CADPS: variants seen among roughly 807,000 people sequenced by gnomAD.
CADPS encodes calcium-dependent secretion activator 1.
CADPS carries 57 observed loss-of-function variants against 167.3 expected under a neutral mutation model. The observed-to-expected ratio is 0.34, with a 90% CI of 0.28 to 0.42. CADPS has a LOEUF of 0.42. Among genes scored for constraint, CADPS ranks in the 20% least tolerant of loss-of-function variants. CADPS has a pLI of 1.00. For synonymous variants in CADPS, 676 were observed against 635.3 expected, an observed-to-expected ratio of 1.06 and a Z score of -0.96; for missense variants, 1,414 against 1,738.1, an observed-to-expected ratio of 0.81 and a Z score of 3.32.
intron 1 of CADPS, among the ~76,000 whole-genome samples, chr3:62,843,362 G>A (rs1310189512): frequency 6.6e-6 from 1 of 152,090 alleles, no homozygotes; most frequent in Non-Finnish European, 1.5e-5. Flanking sequence ...TTGAAGATTC[G>A]AGGCTATGAA....
intron 24 of CADPS, chr3:62,466,651 A>C (rs1034092051): frequency 1.8e-6 from 1 of 542,686 alleles, no homozygotes; most frequent in African/African-American, 1.9e-5. Flanking sequence ...GATGCTTCTA[A>C]TGTGTGTAGA....
intron 2 of CADPS, among the ~76,000 whole-genome samples, chr3:62,754,672 T>C (rs1404588226): frequency 6.6e-6 from 1 of 152,184 alleles, no homozygotes; most frequent in Non-Finnish European, 1.5e-5. Context: ...AAACTTTTTG[T>C]AGAGACAGGG....
chr3:62,861,077 A>G (rs889751644), intron 1 of CADPS, among the ~76,000 whole-genome samples: 19 of 152,086 alleles, frequency 1.2e-4, no homozygotes, highest in African/African-American at 4.6e-4. Context: ...CTTGACATAA[A>G]CCTGGGTTTA....
chr3:62,695,773 T>C (rs1040230305), intron 3 of CADPS, among the ~76,000 whole-genome samples: 2 of 152,028 alleles, frequency 1.3e-5, no homozygotes, highest in African/African-American at 4.8e-5. Flanking sequence ...TGGGCTCCAA[T>C]GATCCTGCCT....
chr3:62,794,466 A>G (rs1183090554), intron 1 of CADPS, among the ~76,000 whole-genome samples: 1 of 152,192 alleles, frequency 6.6e-6, no homozygotes, highest in Non-Finnish European at 1.5e-5. Flanking sequence ...ACTTGCAGAA[A>G]AACAACAGAG....
intron 28 of CADPS, among the ~76,000 whole-genome samples, chr3:62,437,600 A>T (rs1389856832): frequency 6.6e-6 from 1 of 151,900 alleles, no homozygotes; most frequent in Non-Finnish European, 1.5e-5. Context: ...GTTTGCCAAA[A>T]CCCAGGGTAA....
intron 1 of CADPS, among the ~76,000 whole-genome samples, chr3:62,862,819 T>A (rs1361440060): frequency 1.3e-5 from 2 of 152,206 alleles, no homozygotes; most frequent in African/African-American, 4.8e-5. Context: ...AGTCTGACAG[T>A]GCAATGGGAG....
At position 62,465,274 on chromosome 3, in the gene CADPS, A is replaced by C; in HGVS notation, c.3636+93T>G. On this transcript the variant is annotated intron_variant, in intron 26 of 29. Coordinates refer to ENST00000383710, the MANE Select transcript of CADPS (RefSeq NM_003716.4). The surrounding 1 kb of genome is among the most constrained non-coding windows in gnomAD (Gnocchi z 4.1). ...TTGACTATAATTAACACACACACCC[A>C]TCCCAAAACAAAATGACACAACATA... is the stretch of plus-strand genomic sequence containing the variant. 1.2e-6 allele frequency: 1 copy of C among 825,414 alleles called. No individual in the cohort carries two copies. The highest frequency in any genetic ancestry group is 1.7e-5 in the South Asian group (1 of 57,726). 51.1% of individuals were successfully genotyped at this position (825,414 alleles called of 1,614,324 possible).
At chr3:62,721,126 T>A (rs2075723449) in intron 3 of CADPS, among the ~76,000 whole-genome samples, 1 of 128,954 alleles carries the variant, frequency 7.8e-6, no homozygotes. Context: ...AGGTTTTTTT[T>A]TTTTTTTTAA....
At chr3:62,418,487 A>ATTTTTTTTTTTTTTTT (rs5849477) in intron 28 of CADPS, among the ~76,000 whole-genome samples, 3 of 88,872 alleles carry the variant, frequency 3.4e-5, no homozygotes, top group East Asian at 3.3e-4. Context: ...ACCATGCCCT[A>ATTTTTTTTTTTTTTTT]TTTTTTTTTT....
At chr3:62,418,481 T>C (rs2050634680) in intron 28 of CADPS, among the ~76,000 whole-genome samples, 1 of 145,896 alleles carries the variant, frequency 6.9e-6, no homozygotes, top group South Asian at 2.2e-4. Flanking sequence ...TGCAACACCA[T>C]GCCCTATTTT....
chr3:62,740,780 G>T (rs1482682444), intron 3 of CADPS, among the ~76,000 whole-genome samples: 2 of 151,938 alleles, frequency 1.3e-5, no homozygotes, highest in Non-Finnish European at 2.9e-5. Context: ...CATGTGATGG[G>T]CTCCTTACAT....
At chr3:62,819,867 C>T (rs1000160559) in intron 1 of CADPS, among the ~76,000 whole-genome samples, 3 of 152,254 alleles carry the variant, frequency 2.0e-5, no homozygotes, top group African/African-American at 7.2e-5. Context: ...CCTGGTCTCC[C>T]ATGAACTCTG....
intron 3 of CADPS, among the ~76,000 whole-genome samples, chr3:62,712,477 A>T (rs183467017): frequency 6.6e-6 from 1 of 152,212 alleles, no homozygotes; most frequent in African/African-American, 2.4e-5. Context: ...TGCTTGTTGC[A>T]TGTTTGTACT....
At position 62,753,346 on chromosome 3, in the gene CADPS, A is replaced by T; in HGVS notation, c.888+95T>A. The T allele has an allele frequency of 1.1e-6, 1 of 912,122 alleles. No homozygotes were observed. Among genetic ancestry groups the T allele is most frequent in the Non-Finnish European group, 1.7e-6 (1 of 597,262 alleles). 56.5% of individuals were successfully genotyped at this position (912,122 alleles called of 1,614,324 possible). On this transcript the variant is annotated intron_variant, in intron 3 of 29. Coordinates refer to ENST00000383710, the MANE Select transcript of CADPS (RefSeq NM_003716.4). This position sits in a 1 kb window ranked among gnomAD's most constrained non-coding sequence, Gnocchi z 4.6. Reference sequence around the variant, plus strand: ...AGTAGAGTAATAAAATATAAGTTTTAATCCTTTTTTTAAAAAAATCAAGAA... The same window carrying T: ...AGTAGAGTAATAAAATATAAGTTTTTATCCTTTTTTTAAAAAAATCAAGAA...
chr3:62,571,117 C>T (rs1237403309), intron 8 of CADPS, among the ~76,000 whole-genome samples, 179 bp from the exon 9 acceptor site: 1 of 152,164 alleles, frequency 6.6e-6, no homozygotes, highest in Non-Finnish European at 1.5e-5. Flanking sequence ...TTCACTTCCA[C>T]TTACAGGAGG....
At chr3:62,835,230 G>A (rs561678150) in intron 1 of CADPS, among the ~76,000 whole-genome samples, 8 of 152,112 alleles carry the variant, frequency 5.3e-5, no homozygotes, top group South Asian at 2.1e-4. Flanking sequence ...TTCCCATTAA[G>A]TAGTATCTCA....
intron 17 of CADPS, among the ~76,000 whole-genome samples, chr3:62,510,136 CTCCTCTCCTT>C (rs1352378793): frequency 6.6e-6 from 1 of 152,054 alleles, no homozygotes; most frequent in Non-Finnish European, 1.5e-5. Context: ...TCTACCTACT[CTCCTCTCCTT>C]TCCTCTCCTC....
chr3:62,458,121 C>T lies in CADPS; in HGVS notation c.3636+7246G>A, dbSNP rs2150221555. Among the ~76,000 whole-genome samples, 1 of 152,264 alleles carries T rather than the reference C, an allele frequency of 6.6e-6. No individual in the cohort carries two copies. The highest frequency in any genetic ancestry group is 1.9e-4 in the East Asian group (1 of 5,182). The stretch of plus-strand genomic sequence containing the variant: ...TAAAAAAGCACCAGGGTCATGTAAA[C>T]TTTCTTACAGTTTTGAATAATTTGA... On this transcript the variant is annotated intron_variant, in intron 26 of 29. Coordinates refer to ENST00000383710, the MANE Select transcript of CADPS (RefSeq NM_003716.4). This position sits in a 1 kb window ranked among gnomAD's most constrained non-coding sequence, Gnocchi z 4.6.
Sources: gnomAD v4.1 joint callset for allele counts (sites outside exome capture counted in the v4.1 genomes callset) on GRCh38, gnomAD v4.1.1 for gene constraint, Gnocchi (gnomAD v3.1) non-coding constraint, MANE v1.5 for transcripts, NCBI Gene and HGNC (gene_info 2026-07-23, HGNC 2026-07-21) for gene names.